ATP8A2: variants seen among roughly 807,000 people sequenced by gnomAD.
ATP8A2 encodes ATPase phospholipid transporting 8A2.
Under a neutral mutation model 165.6 loss-of-function variants are expected in ATP8A2, and 100 were observed. The observed-to-expected ratio is 0.60, with a 90% confidence interval of 0.51 to 0.71. The LOEUF is 0.71. Among genes scored for constraint, ATP8A2 ranks in the 30% least tolerant of loss-of-function variants. ATP8A2 has a pLI of 0.00. For synonymous variants in ATP8A2, 543 were observed against 548.8 expected (o/e 0.99, Z 0.15); for missense variants, 1,227 against 1,479.5 (o/e 0.83, Z 2.80).
intron 35 of ATP8A2, among the ~76,000 whole-genome samples, chr13:25,988,826 G>C (rs1413160761): frequency 6.6e-6 from 1 of 152,224 alleles, no homozygotes; most frequent in Admixed American, 6.5e-5. Context: ...TGAAGTCCAA[G>C]AAACAAATAC....
At chr13:25,570,912 C>A in intron 17 of ATP8A2, 40 bp downstream of exon 17, 1 of 1,434,632 alleles carries the variant, frequency 7.0e-7, no homozygotes, top group South Asian at 1.2e-5. Flanking sequence ...GGCCCCTTCT[C>A]AGGACACCTG....
chr13:25,801,297 C>T (rs1027314121), intron 27 of ATP8A2, among the ~76,000 whole-genome samples: 1 of 152,140 alleles, frequency 6.6e-6, no homozygotes, highest in Non-Finnish European at 1.5e-5. Flanking sequence ...TGTCTAGACT[C>T]GCTGTCTTGG....
intron 35 of ATP8A2, among the ~76,000 whole-genome samples, chr13:25,975,941 C>CTGATAAAAGT: frequency 6.6e-6 from 1 of 152,308 alleles, no homozygotes; most frequent in Middle Eastern, 3.4e-3. Flanking sequence ...AGTCAAACAA[C>CTGATAAAAGT]CCGTCCATAA....
At chr13:25,700,188 A>C (rs1365403592) in intron 25 of ATP8A2, among the ~76,000 whole-genome samples, 1 of 152,174 alleles carries the variant, frequency 6.6e-6, no homozygotes, top group East Asian at 1.9e-4. Flanking sequence ...TGCAGGGAGC[A>C]ATGGCCAGAG....
chr13:25,455,035 G>A (rs887421691), intron 1 of ATP8A2, among the ~76,000 whole-genome samples: 1 of 152,214 alleles, frequency 6.6e-6, no homozygotes, highest in Non-Finnish European at 1.5e-5. Context: ...CTGGTGTTTC[G>A]CATTTTATAA....
At chr13:26,002,290 A>G (rs1593698623) in intron 35 of ATP8A2, among the ~76,000 whole-genome samples, 1 of 152,096 alleles carries the variant, frequency 6.6e-6, no homozygotes, top group East Asian at 1.9e-4. Context: ...GCTGGAAACC[A>G]TCATTCTGAG....
chr13:25,661,460 C>T (rs2042049193), intron 24 of ATP8A2, among the ~76,000 whole-genome samples: 1 of 152,102 alleles, frequency 6.6e-6, no homozygotes, highest in African/African-American at 2.4e-5. Context: ...ATTGTCATTA[C>T]TTATATAGAT....
intron 2 of ATP8A2, among the ~76,000 whole-genome samples, chr13:25,520,595 T>G (rs1205728309): frequency 4.0e-5 from 6 of 148,562 alleles, no homozygotes; most frequent in Middle Eastern, 6.4e-3. Flanking sequence ...TTTTTAGTTT[T>G]TTTTTTTTTT....
chr13:25,724,417 C>G (rs559333194), intron 25 of ATP8A2, among the ~76,000 whole-genome samples: 1 of 152,254 alleles, frequency 6.6e-6, no homozygotes, highest in Admixed American at 6.5e-5. Context: ...AACAGGGAAG[C>G]CTGGACAACA....
chr13:25,662,868 A>G (rs2042079643), intron 24 of ATP8A2, among the ~76,000 whole-genome samples: 1 of 152,214 alleles, frequency 6.6e-6, no homozygotes, highest in African/African-American at 2.4e-5. Flanking sequence ...AGATCTTTAT[A>G]TGCATGTGTT....
At chr13:25,876,299 A>G (rs1339195874) in intron 33 of ATP8A2, among the ~76,000 whole-genome samples, 1 of 152,166 alleles carries the variant, frequency 6.6e-6, no homozygotes, top group African/African-American at 2.4e-5. Context: ...ATTACAAGAG[A>G]AGAAAAGTTT....
intron 14 of ATP8A2, 118 bp downstream of exon 14, chr13:25,559,179 T>C (rs957134350): frequency 3.8e-5 from 26 of 676,102 alleles, no homozygotes; most frequent in Non-Finnish European, 6.3e-5. Flanking sequence ...ATAAAGTAGT[T>C]ACTATGGAAT....
At chr13:25,984,652 CAA>C (rs1956239738) in intron 35 of ATP8A2, among the ~76,000 whole-genome samples, 1 of 148,346 alleles carries the variant, frequency 6.7e-6, no homozygotes, top group Non-Finnish European at 1.5e-5. Flanking sequence ...AACAAAAAAA[CAA>C]AGAGGTTAGG....
chr13:25,761,585 A>T (rs1448540925), intron 25 of ATP8A2, among the ~76,000 whole-genome samples: 1 of 151,904 alleles, frequency 6.6e-6, no homozygotes, highest in Non-Finnish European at 1.5e-5. Context: ...CAAGACCAGC[A>T]TGGGCAACAT....
At chr13:25,593,775 C>T (rs1024540173) in intron 24 of ATP8A2, among the ~76,000 whole-genome samples, 15 of 152,104 alleles carry the variant, frequency 9.9e-5, no homozygotes, top group African/African-American at 3.6e-4. Context: ...TGAAATATTG[C>T]CATTCATGTG....
At chr13:25,994,635 AAT>A (rs1956461123) in intron 35 of ATP8A2, among the ~76,000 whole-genome samples, 1 of 152,138 alleles carries the variant, frequency 6.6e-6, no homozygotes, top group South Asian at 2.1e-4. Context: ...TGCATGAACC[AAT>A]ATGAGTGTGT....
chr13:25,447,506 G>A (rs2035101843), intron 1 of ATP8A2, among the ~76,000 whole-genome samples: 1 of 152,174 alleles, frequency 6.6e-6, no homozygotes, highest in Non-Finnish European at 1.5e-5. Flanking sequence ...AGCTCACAGG[G>A]AGCAGGTGCA....
At chr13:25,818,949 T>G (rs747313928) in intron 27 of ATP8A2, among the ~76,000 whole-genome samples, 12 of 152,184 alleles carry the variant, frequency 7.9e-5, no homozygotes, top group Non-Finnish European at 1.6e-4. Flanking sequence ...ACAAGCAAGT[T>G]CTCTTCTTCT....
In ATP8A2 at chr13:25,750,672, G is replaced by A. The variant is rs1166693032; in HGVS notation, c.2385-18374G>A. On this transcript the variant is annotated intron_variant, in intron 25 of 36. Coordinates refer to ENST00000381655, the MANE Select transcript of ATP8A2 (RefSeq NM_016529.6). The surrounding 1 kb of genome is among the most constrained non-coding windows in gnomAD (Gnocchi z 4.3). ...GTGTGGGGAGCCTGGGGGCCCTGTC[G>A]GCAGGTACCTCATATGTGTAGTTTT... 1.3e-5 allele frequency among the ~76,000 whole-genome samples: 2 copies of A among 152,130 alleles called. No homozygotes were observed. Among genetic ancestry groups the A allele is most frequent in the African/African-American group, 2.4e-5 (1 of 41,414 alleles).
Sources: gnomAD v4.1 joint callset for allele counts (sites outside exome capture counted in the v4.1 genomes callset) on GRCh38, gnomAD v4.1.1 for gene constraint, Gnocchi (gnomAD v3.1) non-coding constraint, MANE v1.5 for transcripts, NCBI Gene and HGNC (gene_info 2026-07-23, HGNC 2026-07-21) for gene names.